The following ROBO2 variants were observed in gnomAD, a reference collection of about 807,000 sequenced individuals.
ROBO2 encodes roundabout guidance receptor 2, also known as roundabout homolog 2.
In ROBO2, 53 loss-of-function variants were observed where a neutral mutation model predicts 160.8. That is an observed-to-expected ratio of 0.33 (90% CI 0.26 to 0.41). The LOEUF is 0.41. ROBO2 is among the 10% of genes least tolerant of loss of function. ROBO2 has a pLI of 1.00. For synonymous variants in ROBO2, 664 were observed against 611.7 expected (o/e 1.09, Z -1.26); for missense variants, 1,577 against 1,722.4 (o/e 0.92, Z 1.49).
At chr3:77,137,409 A>G (rs1013938723) in intron 2 of ROBO2, among the ~76,000 whole-genome samples, 3 of 152,048 alleles carry the variant, frequency 2.0e-5, no homozygotes, top group African/African-American at 7.2e-5. Context: ...TATTTCTAGT[A>G]GAGACGGGGT....
intron 1 of ROBO2, among the ~76,000 whole-genome samples, chr3:75,932,096 T>C (rs1947569552): frequency 6.6e-6 from 1 of 152,084 alleles, no homozygotes; most frequent in Admixed American, 6.6e-5. Flanking sequence ...TTGAGTTCAC[T>C]TGAGAGGGTA....
At chr3:76,984,357 C>G (rs2060257659) in intron 2 of ROBO2, among the ~76,000 whole-genome samples, 1 of 152,110 alleles carries the variant, frequency 6.6e-6, no homozygotes, top group African/African-American at 2.4e-5. Flanking sequence ...AAGCCTTTTT[C>G]TAAGACCCAG....
chr3:76,353,553 T>C (rs907654484), intron 2 of ROBO2, among the ~76,000 whole-genome samples: 1 of 151,938 alleles, frequency 6.6e-6, no homozygotes, highest in Non-Finnish European at 1.5e-5. Flanking sequence ...ATTGGGCCTG[T>C]TTGGTTCACC....
chr3:76,519,835 T>C (rs902385460), intron 2 of ROBO2, among the ~76,000 whole-genome samples: 1 of 152,146 alleles, frequency 6.6e-6, no homozygotes, highest in African/African-American at 2.4e-5. Flanking sequence ...TGAATCAGTC[T>C]CTCCCTTTTC....
chr3:77,633,291 AT>A, intron 23 of ROBO2: 1 of 152,334 alleles, frequency 6.6e-6, no homozygotes, highest in Non-Finnish European at 1.5e-5. Context: ...GAATAATTTA[AT>A]TTTGATTTCT....
chr3:76,114,898 C>A (rs1338699256), intron 2 of ROBO2, among the ~76,000 whole-genome samples: 1 of 152,062 alleles, frequency 6.6e-6, no homozygotes, highest in Non-Finnish European at 1.5e-5. Flanking sequence ...ATACTAAATG[C>A]AAATTGTCTT....
At chr3:76,581,611 C>T (rs1028476652) in intron 2 of ROBO2, among the ~76,000 whole-genome samples, 4 of 152,138 alleles carry the variant, frequency 2.6e-5, no homozygotes, top group Non-Finnish European at 5.9e-5. Flanking sequence ...GCACTCCAGT[C>T]TGAGTGACAG....
intron 2 of ROBO2, among the ~76,000 whole-genome samples, chr3:76,320,675 T>C (rs1242660155): frequency 1.3e-5 from 2 of 152,192 alleles, no homozygotes; most frequent in Non-Finnish European, 2.9e-5. Context: ...GGCCTAAGAA[T>C]TGCTCCTGGC....
intron 2 of ROBO2, among the ~76,000 whole-genome samples, chr3:76,690,622 C>T (rs1029443695): frequency 6.6e-6 from 1 of 151,796 alleles, no homozygotes; most frequent in Non-Finnish European, 1.5e-5. Context: ...TAAGACAGTC[C>T]TTATCATATT....
chr3:76,144,263 T>C (rs1231423633), intron 2 of ROBO2, among the ~76,000 whole-genome samples: 1 of 151,866 alleles, frequency 6.6e-6, no homozygotes, highest in Non-Finnish European at 1.5e-5. Context: ...TATCTGTAAA[T>C]AGAAAGTAGA....
intron 2 of ROBO2, among the ~76,000 whole-genome samples, chr3:76,071,779 A>T (rs2068462800): frequency 1.3e-5 from 2 of 151,846 alleles, no homozygotes; most frequent in Non-Finnish European, 1.5e-5. Context: ...AAAAATATAT[A>T]TTTTTTAATG....
intron 2 of ROBO2, among the ~76,000 whole-genome samples, chr3:76,388,341 A>G (rs1431364005): frequency 1.3e-5 from 2 of 150,140 alleles, no homozygotes; most frequent in Non-Finnish European, 3.0e-5. Flanking sequence ...GTGTGATCTC[A>G]GCTCACTGCA....
At position 77,546,435 on chromosome 3, in the gene ROBO2, T is replaced by G. The variant is rs1332692302; in HGVS notation, c.1032T>G (p.Ala344=). 2.1e-5 allele frequency: 34 copies of G among 1,613,194 alleles called. 1 individual carries two copies. The Admixed American group carries it at 5.7e-4, about 27-fold the overall frequency. The change falls in exon 7 of 26, where the codon GCT becomes GCG. Residue 344 remains alanine, a synonymous_variant. Coordinates refer to ENST00000461745, the Ensembl canonical transcript of ROBO2. ...AAACTAAAGGAAACCCACAGCCAGC[T>G]GTTTTTTGGCAGAAAGAAGGCAGCC...
intron 2 of ROBO2, among the ~76,000 whole-genome samples, chr3:77,341,217 G>A (rs1052167365): frequency 2.6e-5 from 4 of 151,972 alleles, no homozygotes; most frequent in Non-Finnish European, 5.9e-5. Context: ...TCCATTGTTT[G>A]AGTACTAGCA....
At chr3:76,205,327 G>A (rs891476650) in intron 2 of ROBO2, among the ~76,000 whole-genome samples, 81 of 152,160 alleles carry the variant, frequency 5.3e-4, no homozygotes, top group African/African-American at 1.9e-3. Flanking sequence ...GAGAGAATAA[G>A]GCCAAGATGG....
chr3:76,017,863 C>T (rs2066450243), intron 2 of ROBO2, among the ~76,000 whole-genome samples: 1 of 152,034 alleles, frequency 6.6e-6, no homozygotes, highest in African/African-American at 2.4e-5. Context: ...GCCCTGAATA[C>T]TTCTCCACTC....
At chr3:76,989,349 G>T (rs1423061002) in intron 2 of ROBO2, among the ~76,000 whole-genome samples, 1 of 152,084 alleles carries the variant, frequency 6.6e-6, no homozygotes, top group African/African-American at 2.4e-5. Flanking sequence ...AATACATTTT[G>T]AATCTGTGCA....
intron 2 of ROBO2, among the ~76,000 whole-genome samples, chr3:76,331,127 G>A (rs2073452517): frequency 6.6e-6 from 1 of 152,162 alleles, no homozygotes; most frequent in Non-Finnish European, 1.5e-5. Flanking sequence ...GCCCATGGCG[G>A]TAATGTACCA....
intron 2 of ROBO2, among the ~76,000 whole-genome samples, chr3:76,173,687 T>C (rs1187939711): frequency 7.9e-5 from 12 of 152,162 alleles, no homozygotes; most frequent in Non-Finnish European, 1.5e-5. Flanking sequence ...GAAAAGGACA[T>C]GAGCTCATTC....
Sources: allele counts gnomAD v4.1 joint callset (sites outside exome capture counted in the v4.1 genomes callset), GRCh38; gene constraint gnomAD v4.1.1; transcripts MANE v1.5; gene names NCBI Gene and HGNC (gene_info 2026-07-23, HGNC 2026-07-21).